COL22A1: variants seen among roughly 807,000 people sequenced by gnomAD.
The protein encoded by COL22A1 is collagen alpha-1(XXII) chain.
Under a neutral mutation model 248.9 loss-of-function variants are expected in COL22A1, and 221 were observed. That is an observed-to-expected ratio of 0.89 (90% CI 0.80 to 0.99). The LOEUF is 0.99. Among genes scored for constraint, COL22A1 ranks in the 50% least tolerant of loss-of-function variants. COL22A1 has a pLI of 0.00. For synonymous variants in COL22A1, 891 were observed against 793.4 expected (o/e 1.12, Z -2.07); for missense variants, 2,240 against 2,179.0 (o/e 1.03, Z -0.56).
chr8:138,804,788 T>C (rs1274155046), intron 10 of COL22A1, among the ~76,000 whole-genome samples: 1 of 116,570 alleles, frequency 8.6e-6, no homozygotes, highest in African/African-American at 5.0e-5. Flanking sequence ...ATGAGGTGCG[T>C]GTGGTGTGTG....
At chr8:138,616,558 G>A (rs1480325470) in intron 54 of COL22A1, among the ~76,000 whole-genome samples, 3 of 152,190 alleles carry the variant, frequency 2.0e-5, no homozygotes, top group South Asian at 2.1e-4. Flanking sequence ...AGGACCTTGG[G>A]AAATCACCCA....
At chr8:138,805,016 GGTGTGTGTGTGATA>G (rs1817364870) in intron 10 of COL22A1, among the ~76,000 whole-genome samples, 1 of 134,572 alleles carries the variant, frequency 7.4e-6, no homozygotes, top group Non-Finnish European at 1.6e-5. Context: ...GGTGTGTGGT[GGTGTGTGTGTGATA>G]GTGTGTGTGA....
At chr8:138,865,263 C>T (rs1822774004) in intron 3 of COL22A1, among the ~76,000 whole-genome samples, 1 of 152,112 alleles carries the variant, frequency 6.6e-6, no homozygotes, top group Non-Finnish European at 1.5e-5. Context: ...CTGAGCATCC[C>T]TTTCTAGGTT....
intron 23 of COL22A1, among the ~76,000 whole-genome samples, chr8:138,725,788 C>T (rs931898914): frequency 6.9e-5 from 7 of 100,724 alleles, no homozygotes; most frequent in Non-Finnish European, 1.6e-4. Flanking sequence ...CACACACACA[C>T]ACACACACAC....
chr8:138,808,276 C>T (rs1226298932), intron 9 of COL22A1, among the ~76,000 whole-genome samples: 1 of 152,182 alleles, frequency 6.6e-6, no homozygotes, highest in African/African-American at 2.4e-5. Flanking sequence ...TGAGTTCAAT[C>T]ATTCCACATT....
At chr8:138,692,959 G>A (rs1339163587) in intron 35 of COL22A1, among the ~76,000 whole-genome samples, 2 of 152,122 alleles carry the variant, frequency 1.3e-5, no homozygotes, top group Non-Finnish European at 2.9e-5. Flanking sequence ...CGGCAGTGGT[G>A]CTAGGAGCAG....
chr8:138,597,998 A>G (rs1337726269), intron 61 of COL22A1, among the ~76,000 whole-genome samples: 2 of 152,200 alleles, frequency 1.3e-5, no homozygotes, highest in African/African-American at 4.8e-5. Context: ...GAGGTCATCC[A>G]GACCTGGGCT....
chr8:138,601,314 C>A (rs1817987892), intron 60 of COL22A1, among the ~76,000 whole-genome samples: 1 of 152,140 alleles, frequency 6.6e-6, no homozygotes, highest in Admixed American at 6.5e-5. Context: ...ATCCCTGAGA[C>A]TCTGCCCCCA....
rs903283914 is a variant in COL22A1 at position 138,704,692 on chromosome 8, G to A, written c.2518-1345C>T. Reference sequence around the variant, plus strand: ...GGGGAGAAACCAGAGCAGAAAAGCTGAAAATTCTAAAAATCAGAGCGCCTC... The same window carrying A: ...GGGGAGAAACCAGAGCAGAAAAGCTAAAAATTCTAAAAATCAGAGCGCCTC... On this transcript the variant is annotated intron_variant, in intron 30 of 64. Transcript: ENST00000303045. Among the ~76,000 whole-genome samples, 9 of 152,252 alleles carry A rather than the reference G, an allele frequency of 5.9e-5. No individual in the cohort carries two copies. The South Asian group carries it at 1.7e-3, about 28-fold the overall frequency.
intron 10 of COL22A1, among the ~76,000 whole-genome samples, chr8:138,805,509 G>A (rs1041566494): frequency 0.016 from 2,287 of 145,654 alleles, 56 homozygotes; most frequent in African/African-American, 0.054. Flanking sequence ...GTGTGTGATG[G>A]TGTGTGTGTA....
intron 1 of COL22A1, among the ~76,000 whole-genome samples, chr8:138,900,061 CA>C (rs1329794608): frequency 1.3e-5 from 2 of 152,062 alleles, no homozygotes; most frequent in Non-Finnish European, 2.9e-5. Flanking sequence ...AAGGGGCTAG[CA>C]AAACATTTAT....
chr8:138,868,536 G>A (rs1004364487), intron 3 of COL22A1, among the ~76,000 whole-genome samples: 2 of 152,100 alleles, frequency 1.3e-5, no homozygotes, highest in South Asian at 2.1e-4. Context: ...CCAAGTGAAA[G>A]GTATTCAACT....
At chr8:138,726,348 T>A (rs1398402252) in intron 23 of COL22A1, among the ~76,000 whole-genome samples, 2 of 151,378 alleles carry the variant, frequency 1.3e-5, no homozygotes, top group African/African-American at 4.9e-5. Context: ...AAAATAAAAA[T>A]TAACTGGTCA....
rs974932488 is a variant in COL22A1, at chr8:138,595,299, G to A, written c.4433-1100C>T. On this transcript the variant is annotated intron_variant, in intron 62 of 64. Transcript: ENST00000303045. The stretch of plus-strand genomic sequence containing the variant: ...TTTTCTGAGCCTTGATTTTCTCATC[G>A]TTAAAGTGGAGTGGATGCTCCTTCC... Among the ~76,000 whole-genome samples, 4 of 152,198 alleles carry A rather than the reference G, an allele frequency of 2.6e-5. No homozygotes were observed. The East Asian group carries it at 7.7e-4, about 29-fold the overall frequency.
At chr8:138,908,461 A>G (rs1275920498) in intron 1 of COL22A1, among the ~76,000 whole-genome samples, 2 of 152,286 alleles carry the variant, frequency 1.3e-5, no homozygotes, top group Non-Finnish European at 2.9e-5. Flanking sequence ...TTGCCCAAAT[A>G]GTACATCTGC....
In COL22A1 at chr8:138,821,328, G is replaced by T. The variant is rs769202145; in HGVS notation, c.1053C>A (p.Phe351Leu). 1 of 1,614,074 alleles carries T rather than the reference G, an allele frequency of 6.2e-7. No homozygotes were observed. Among genetic ancestry groups the T allele is most frequent in the African/African-American group, 1.3e-5 (1 of 74,922 alleles). ...AGAGGTCATTGACCCGAGAACCTCG[G>T]AAGACCACCCTGACAGCATCTTTCA... Reference protein sequence around the residue: ...GAMKDAVRVVFRGSRVNDLFD... With the variant: ...GAMKDAVRVVLRGSRVNDLFD... Residue 351 changes from phenylalanine (F) to leucine (L), a missense_variant, in exon 7 of 65, where the codon TTC becomes TTA. Coordinates refer to ENST00000303045, the MANE Select transcript of COL22A1 (RefSeq NM_152888.3).
At chr8:138,806,141 T>TGTATGTTTGTGTGTGAGG (rs1563788737) in intron 10 of COL22A1, among the ~76,000 whole-genome samples, 3 of 62,216 alleles carry the variant, frequency 4.8e-5, no homozygotes, top group South Asian at 6.7e-4. Context: ...TGTGTGGTGG[T>TGTATGTTTGTGTGTGAGG]GTGTGTGTGA....
intron 41 of COL22A1, among the ~76,000 whole-genome samples, chr8:138,665,009 A>G (rs1228828232): frequency 6.6e-6 from 1 of 152,172 alleles, no homozygotes; most frequent in African/African-American, 2.4e-5. Context: ...TTCCCGAGAG[A>G]GCAAAATGAT....
chr8:138,685,100 G>A (rs1826238310), intron 38 of COL22A1, 108 bp downstream of exon 38: 2 of 800,104 alleles, frequency 2.5e-6, no homozygotes, highest in Admixed American at 4.6e-5. Flanking sequence ...CCATTTCATT[G>A]GCCACGGTTC....
Sources: allele counts gnomAD v4.1 joint callset (sites outside exome capture counted in the v4.1 genomes callset), GRCh38; gene constraint gnomAD v4.1.1; transcripts MANE v1.5; gene names NCBI Gene and HGNC (gene_info 2026-07-23, HGNC 2026-07-21).